Variants in DNAJC13 observed in about 807,000 individuals in gnomAD.
The protein encoded by DNAJC13 is DnaJ heat shock protein family (Hsp40) member C13.
In DNAJC13, 75 loss-of-function variants were observed where a neutral mutation model predicts 290.5. The observed-to-expected ratio is 0.26, with a 90% confidence interval of 0.21 to 0.31. The LOEUF is 0.31. Among genes scored for constraint, DNAJC13 ranks in the 10% least tolerant of loss-of-function variants. The probability of loss-of-function intolerance (pLI) is 1.00; values close to 1 mark genes in which losing one functional copy is unlikely to be tolerated. For synonymous variants in DNAJC13, 862 were observed against 892.0 expected, an observed-to-expected ratio of 0.97 and a Z score of 0.60; for missense variants, 2,260 against 2,674.5, an observed-to-expected ratio of 0.85 and a Z score of 3.42.
intron 2 of DNAJC13, among the ~76,000 whole-genome samples, chr3:132,436,951 T>C (rs188135585): frequency 6.6e-6 from 1 of 151,712 alleles, no homozygotes; most frequent in African/African-American, 2.4e-5. Flanking sequence ...TGATCTCGGC[T>C]CACTGCAACC....
chr3:132,514,971 T>C (rs1488780975), intron 46 of DNAJC13, among the ~76,000 whole-genome samples: 1 of 152,164 alleles, frequency 6.6e-6, no homozygotes, highest in Non-Finnish European at 1.5e-5. Flanking sequence ...CATGGTTTAC[T>C]AAACATAAGT....
chr3:132,518,741 A>G (rs1935997901), intron 48 of DNAJC13, among the ~76,000 whole-genome samples: 1 of 152,122 alleles, frequency 6.6e-6, no homozygotes, highest in Admixed American at 6.5e-5. Context: ...TCTAGTGTAC[A>G]ATTCAGTGGT....
At chr3:132,494,119 T>A (rs771927552) in intron 33 of DNAJC13, 25 bp from the exon 34 acceptor site, 2 of 1,467,520 alleles carry the variant, frequency 1.4e-6, no homozygotes, top group African/African-American at 1.4e-5. Context: ...TACTTTGATA[T>A]AAATTTTAAT....
At chr3:132,429,747 G>A (rs953529059) in intron 1 of DNAJC13, among the ~76,000 whole-genome samples, 1 of 152,128 alleles carries the variant, frequency 6.6e-6, no homozygotes, top group Non-Finnish European at 1.5e-5. Flanking sequence ...GGTTGACTTG[G>A]CTAGTTAGTG....
chr3:132,483,309 T>C (rs568050730), intron 27 of DNAJC13, 66 bp from the exon 28 acceptor site: 5 of 1,309,208 alleles, frequency 3.8e-6, no homozygotes, highest in African/African-American at 1.5e-5. Flanking sequence ...TACTATAAAG[T>C]AGAAAACACT....
In DNAJC13 at chr3:132,526,226, C is replaced by A; in HGVS notation, c.6326C>A (p.Ala2109Asp). 2 of 1,613,998 alleles carry A rather than the reference C, an allele frequency of 1.2e-6. No individual in the cohort carries two copies. Among genetic ancestry groups the A allele is most frequent in the Non-Finnish European group, 1.7e-6 (2 of 1,179,970 alleles). Reference sequence around the variant, plus strand: ...AAGCGAGCAGATACTGTTGGTCTAGCCTGTGAAGCAATTAATCGAATGTTT... The same window carrying A: ...AAGCGAGCAGATACTGTTGGTCTAGACTGTGAAGCAATTAATCGAATGTTT... ...MKKRADTVGL[A>D]CEAINRMFQK... The change falls in exon 53 of 56, where the codon GCC becomes GAC. Residue 2109 changes from alanine to aspartate, a missense_variant. By Grantham distance (126) the Ala-to-Asp change is moderately radical. Around this residue, in one of 3 missense-constraint regions of DNAJC13, gnomAD observed 1,494 missense variants for 1,693.7 expected, o/e 0.88. Coordinates refer to ENST00000260818, the MANE Select transcript of DNAJC13 (RefSeq NM_015268.4).
In DNAJC13 at chr3:132,528,172, C is replaced by T. The variant is rs1246518414; in HGVS notation, c.6382-17C>T. ...CATTTTTTCTGTGTGTTTATATATG[C>T]TTAATATTTCTTCTAGGCCCTGAAA... On this transcript the variant is annotated splice_polypyrimidine_tract_variant and intron_variant, in intron 53 of 55. Coordinates refer to ENST00000260818, the MANE Select transcript of DNAJC13 (RefSeq NM_015268.4). The T allele has an allele frequency of 7.4e-6, 12 of 1,612,786 alleles. No individual in the cohort carries two copies. In the Admixed American group the frequency reaches 2.0e-4, roughly 27 times the overall value.
intron 46 of DNAJC13, 71 bp from the exon 47 acceptor site, chr3:132,516,351 C>A: frequency 7.1e-7 from 1 of 1,412,898 alleles, no homozygotes; most frequent in Non-Finnish European, 1.0e-6. Context: ...AAGTGCCTGG[C>A]ACAGAGCTGG....
chr3:132,464,355 C>T (rs1161913763), intron 17 of DNAJC13, among the ~76,000 whole-genome samples: 1 of 152,166 alleles, frequency 6.6e-6, no homozygotes, highest in Non-Finnish European at 1.5e-5. Context: ...ACTTATTCCA[C>T]ACTACATGAA....
At chr3:132,478,399 A>G (rs1209627997) in intron 24 of DNAJC13, among the ~76,000 whole-genome samples, 1 of 152,206 alleles carries the variant, frequency 6.6e-6, no homozygotes. Flanking sequence ...TCAGTCTTTA[A>G]GTATGGATGA....
intron 2 of DNAJC13, among the ~76,000 whole-genome samples, chr3:132,442,543 CACA>C (rs1933105985): frequency 1.3e-5 from 2 of 152,262 alleles, no homozygotes; most frequent in East Asian, 3.9e-4. Flanking sequence ...CTATCATCAG[CACA>C]ACATTTTTTT....
At position 132,505,285 on chromosome 3, in the gene DNAJC13, G is replaced by A; in HGVS notation, c.4885-17G>A. On this transcript the variant is annotated splice_polypyrimidine_tract_variant and intron_variant, in intron 41 of 55. Coordinates refer to ENST00000260818, the MANE Select transcript of DNAJC13 (RefSeq NM_015268.4). The stretch of plus-strand genomic sequence containing the variant: ...TTTTTTCACTAAATGTTATAAAACG[G>A]TAATATTGTCTCCTAGATTTTGAAG... 6.8e-7 allele frequency: 1 copy of A among 1,479,822 alleles called. No homozygotes were observed. The highest frequency in any genetic ancestry group is 2.3e-5 in the East Asian group (1 of 44,112). 91.7% of individuals were successfully genotyped at this position (1,479,822 alleles called of 1,614,324 possible). A position where few individuals can be genotyped will look rare whatever the true frequency, so the allele number is the denominator to read the frequency against.
chr3:132,478,979 CT>C (rs1370210252), intron 24 of DNAJC13, among the ~76,000 whole-genome samples: 4 of 152,086 alleles, frequency 2.6e-5, no homozygotes, highest in Non-Finnish European at 5.9e-5. Context: ...CTCCTTAAAG[CT>C]ATATATTAAT....
At chr3:132,533,822 T>A (rs1936505539) in intron 55 of DNAJC13, among the ~76,000 whole-genome samples, 2 of 152,220 alleles carry the variant, frequency 1.3e-5, no homozygotes, top group African/African-American at 2.4e-5. Flanking sequence ...TTACAGAGTG[T>A]GAACCAAAAG....
chr3:132,527,029 T>C (rs2107749468), intron 53 of DNAJC13, among the ~76,000 whole-genome samples: 1 of 152,328 alleles, frequency 6.6e-6, no homozygotes, highest in East Asian at 1.9e-4. Flanking sequence ...AGATCTATTG[T>C]GCATTATGTT....
intron 36 of DNAJC13, among the ~76,000 whole-genome samples, chr3:132,498,260 C>T (rs576732046): frequency 6.6e-6 from 1 of 151,098 alleles, no homozygotes; most frequent in South Asian, 2.1e-4. Context: ...AAATAGATAC[C>T]AGTTATCTTT....
Position 132,478,221 on chromosome 3 carries a change from C to T in DNAJC13, c.2709+81C>T, listed in dbSNP as rs1439343684. 3 of 1,237,976 alleles carry T rather than the reference C, an allele frequency of 2.4e-6. No homozygotes were observed. The Admixed American group carries it at 7.7e-5, about 32-fold the overall frequency. 76.7% of individuals were successfully genotyped at this position (1,237,976 alleles called of 1,614,324 possible). A position where few individuals can be genotyped will look rare whatever the true frequency, so the allele number is the denominator to read the frequency against. ...AAATTTTAAAAACTAAATTTAAATT[C>T]TGTTTGATCACATTATTACTGTAAC... On this transcript the variant is annotated intron_variant, in intron 24 of 55. Coordinates refer to ENST00000260818, the MANE Select transcript of DNAJC13 (RefSeq NM_015268.4).
At chr3:132,439,132 A>C (rs1252268970) in intron 2 of DNAJC13, among the ~76,000 whole-genome samples, 1 of 152,216 alleles carries the variant, frequency 6.6e-6, no homozygotes, top group East Asian at 1.9e-4. Context: ...ATTGTAGGAA[A>C]TGCTGTGAAT....
In DNAJC13 at chr3:132,471,369, C is replaced by G. The variant is rs1476003271; in HGVS notation, c.2209-1776C>G. Among the ~76,000 whole-genome samples the G allele has an allele frequency of 1.4e-5, 2 of 145,922 alleles. 1 individual carries two copies. ...GACCCCCCCCCACCTCCCTCCCGGA[C>G]GGGGTGGCTGCCGGGCGGAGATGCT... On this transcript the variant is annotated intron_variant, in intron 20 of 55. Coordinates refer to ENST00000260818, the MANE Select transcript of DNAJC13 (RefSeq NM_015268.4).
Sources: gnomAD v4.1 joint callset for allele counts (sites outside exome capture counted in the v4.1 genomes callset) on GRCh38, gnomAD v4.1.1 for gene constraint, gnomAD v4.1.1 regional missense constraint, MANE v1.5 for transcripts, NCBI Gene and HGNC (gene_info 2026-07-23, HGNC 2026-07-21) for gene names.